ESR2: variants seen among roughly 807,000 people sequenced by gnomAD.
ESR2 encodes the protein estrogen receptor beta.
ESR2 carries 36 observed loss-of-function variants against 49.6 expected under a neutral mutation model. That is an observed-to-expected ratio of 0.73 (90% CI 0.56 to 0.96). The LOEUF (loss-of-function observed/expected upper bound fraction) is 0.96, where lower values mean the gene tolerates loss of function less well. Among genes scored for constraint, ESR2 ranks in the 40% least tolerant of loss-of-function variants. The pLI, the probability that ESR2 is intolerant of heterozygous loss-of-function variation, is 0.00. For missense variants in ESR2, 714 were observed against 693.0 expected (o/e 1.03, Z -0.34); for synonymous variants, 320 against 266.1 (o/e 1.20, Z -1.97).
At chr14:64,250,804 T>A (rs922512775) in intron 6 of ESR2, among the ~76,000 whole-genome samples, 2 of 152,202 alleles carry the variant, frequency 1.3e-5, no homozygotes, top group Non-Finnish European at 2.9e-5. Flanking sequence ...TGCAGAAGTC[T>A]TTCCCATTAC....
chr14:64,228,060 CAA>C, downstream of ESR2: 1 of 1,391,338 alleles, frequency 7.2e-7, no homozygotes, highest in South Asian at 1.8e-5. Context: ...GGTCATAAAT[CAA>C]TCACAAGTGT....
intron 2 of ESR2, among the ~76,000 whole-genome samples, chr14:64,281,709 T>A (rs1232619863): frequency 3.3e-5 from 5 of 152,216 alleles, no homozygotes; most frequent in African/African-American, 1.2e-4. Context: ...TATTAATAAT[T>A]AGATGGAAAT....
intron 2 of ESR2, among the ~76,000 whole-genome samples, chr14:64,280,701 A>G (rs967209860): frequency 6.6e-6 from 1 of 152,206 alleles, no homozygotes; most frequent in African/African-American, 2.4e-5. Context: ...AATTTCAGAT[A>G]AAGGTCTAGA....
intron 1 of ESR2, 86 bp downstream of exon 1, chr14:64,293,947 T>C (rs759513826): frequency 6.6e-6 from 1 of 152,260 alleles, no homozygotes; most frequent in African/African-American, 2.4e-5. Context: ...TGGTCTTTTA[T>C]TGTTCTCAAC....
intron 1 of ESR2, among the ~76,000 whole-genome samples, chr14:64,291,542 A>T (rs1015981510): frequency 5.3e-5 from 8 of 152,128 alleles, no homozygotes; most frequent in African/African-American, 1.4e-4. Flanking sequence ...CATCAATTTT[A>T]TATATATATA....
chr14:64,330,613 A>C (rs989382553), intron 1 of ESR2: 4 of 152,188 alleles, frequency 2.6e-5, no homozygotes, highest in African/African-American at 7.2e-5. Context: ...CAGATGTTCA[A>C]CTGATTGGAT....
intron 1 of ESR2, among the ~76,000 whole-genome samples, chr14:64,310,293 AAT>A (rs2077171156): frequency 1.5e-5 from 2 of 131,266 alleles, no homozygotes; most frequent in African/African-American, 5.2e-5. Flanking sequence ...AAAAAATAAT[AAT>A]AATAATAATA....
At chr14:64,333,570 C>A (rs2077489955) in intron 1 of ESR2, among the ~76,000 whole-genome samples, 1 of 152,192 alleles carries the variant, frequency 6.6e-6, no homozygotes, top group Admixed American at 6.5e-5. Context: ...AATGGACTCA[C>A]AGTTCCACAT....
intron 4 of ESR2, among the ~76,000 whole-genome samples, chr14:64,261,833 C>A (rs373649057): frequency 1.1e-4 from 16 of 152,160 alleles, no homozygotes; most frequent in South Asian, 6.2e-4. Flanking sequence ...CTCACTGCAG[C>A]CTTCATCTCC....
intron 8 of ESR2, chr14:64,234,229 C>T (rs911502730): frequency 7.2e-5 from 11 of 152,428 alleles, no homozygotes; most frequent in African/African-American, 2.2e-4. Flanking sequence ...TTAAGATTCT[C>T]GAGGTGTATA....
intron 1 of ESR2, among the ~76,000 whole-genome samples, chr14:64,331,473 A>T (rs1412923357): frequency 6.6e-6 from 1 of 152,200 alleles, no homozygotes; most frequent in Admixed American, 6.5e-5. Flanking sequence ...ATCTCAGTCA[A>T]CTCAGTCCAC....
chr14:64,301,667 C>T (rs1363970349), intron 1 of ESR2: 1 of 152,186 alleles, frequency 6.6e-6, no homozygotes, highest in Non-Finnish European at 1.5e-5. Context: ...CTTGGAGTTC[C>T]AAGGCTTGGG....
At chr14:64,314,698 C>T (rs555820450) in intron 1 of ESR2, among the ~76,000 whole-genome samples, 27 of 149,118 alleles carry the variant, frequency 1.8e-4, no homozygotes, top group East Asian at 6.1e-4. Context: ...GCCAACATGG[C>T]GAAACTCCAT....
chr14:64,268,121 C>T (rs766972519), intron 4 of ESR2, among the ~76,000 whole-genome samples: 20 of 152,098 alleles, frequency 1.3e-4, no homozygotes, highest in Admixed American at 4.6e-4. Context: ...CAGTTATATA[C>T]CAAAGTGCTC....
chr14:64,332,294 ATG>A (rs1198514562), intron 1 of ESR2: 1 of 152,154 alleles, frequency 6.6e-6, no homozygotes, highest in East Asian at 1.9e-4. Flanking sequence ...TCAGGCTCCT[ATG>A]TTTTCCTTTT....
chr14:64,315,757 C>G (rs542295502), intron 1 of ESR2, among the ~76,000 whole-genome samples: 39 of 151,870 alleles, frequency 2.6e-4, no homozygotes, highest in African/African-American at 9.2e-4. Context: ...CAGGTTCAAG[C>G]AATTCTCCTT....
intron 1 of ESR2, among the ~76,000 whole-genome samples, chr14:64,335,478 T>C (rs1456280558): frequency 6.6e-6 from 1 of 152,232 alleles, no homozygotes; most frequent in African/African-American, 2.4e-5. Context: ...TACAGATGGC[T>C]GCCTTCTCAC....
intron 3 of ESR2, among the ~76,000 whole-genome samples, chr14:64,276,129 A>T (rs996070721): frequency 5.9e-5 from 9 of 152,210 alleles, no homozygotes; most frequent in Admixed American, 2.6e-4. Context: ...AGGCTTAAAA[A>T]CTATACACAA....
chr14:64,240,885 T>C (rs568172295), intron 7 of ESR2, among the ~76,000 whole-genome samples: 4 of 151,804 alleles, frequency 2.6e-5, no homozygotes, highest in Non-Finnish European at 4.4e-5. Flanking sequence ...TGGCTCACGC[T>C]TGTAATCCCA....
Sources: gnomAD v4.1 joint callset for allele counts (sites outside exome capture counted in the v4.1 genomes callset) on GRCh38, gnomAD v4.1.1 for gene constraint, MANE v1.5 for transcripts, NCBI Gene and HGNC (gene_info 2026-07-23, HGNC 2026-07-21) for gene names.